Variants in UGT2B10 observed in about 807,000 individuals in gnomAD.
UGT2B10 encodes UDP-glucuronosyltransferase 2B10.
Under a neutral mutation model 43.7 loss-of-function variants are expected in UGT2B10, and 51 were observed. The ratio of observed to expected loss-of-function variants is 1.17; its 90% CI spans 0.93 to 1.47. The LOEUF is 1.47. UGT2B10 is among the 40% of genes most tolerant of loss of function. The pLI, the probability that UGT2B10 is intolerant of heterozygous loss-of-function variation, is 0.00. For missense variants in UGT2B10, 696 were observed against 617.7 expected (o/e 1.13, Z -1.34); for synonymous variants, 225 against 209.0 (o/e 1.08, Z -0.66).
intron 3 of UGT2B10, among the ~76,000 whole-genome samples, chr4:68,823,233 C>T (rs1486123573): frequency 6.6e-6 from 1 of 152,066 alleles, no homozygotes; most frequent in Non-Finnish European, 1.5e-5. Context: ...ATAGGATGGG[C>T]ATGGTGGTTC....
intron 1 of UGT2B10, among the ~76,000 whole-genome samples, chr4:68,817,181 T>C (rs1737256024): frequency 6.6e-6 from 1 of 151,792 alleles, no homozygotes; most frequent in South Asian, 2.1e-4. Flanking sequence ...AATTAAAAGA[T>C]GTTCCCATGT....
Position 68,831,804 on chromosome 4 carries a change from C to T in UGT2B10, c.*925C>T, listed in dbSNP as rs917461592. On this transcript the variant is annotated 3_prime_UTR_variant, in exon 6 of 6. Coordinates refer to ENST00000265403, the MANE Select transcript of UGT2B10 (RefSeq NM_001075.6). The stretch of plus-strand genomic sequence containing the variant: ...ATCTCAATTTTTATTTCATTCTGTC[C>T]TAACTCTTGCAACCTGCATGTCCTC... Among the ~76,000 whole-genome samples, 1 of 152,048 alleles carries T rather than the reference C, an allele frequency of 6.6e-6. No homozygotes were observed. The highest frequency in any genetic ancestry group is 2.4e-5 in the African/African-American group (1 of 41,430).
rs185649037 is a variant in UGT2B10 at position 68,831,652 on chromosome 4, T to G, written c.*773T>G. On this transcript the variant is annotated 3_prime_UTR_variant, in exon 6 of 6. Coordinates refer to ENST00000265403, the MANE Select transcript of UGT2B10 (RefSeq NM_001075.6). ...CCAGTAAACTGATTAAAATCTAAAA[T>G]TGCTTTCTGTTAAAGCTTTACTGAT... Among the ~76,000 whole-genome samples the G allele has an allele frequency of 3.9e-5, 6 of 152,262 alleles. No homozygotes were observed. In the East Asian group the frequency reaches 1.2e-3, roughly 29 times the overall value.
Position 68,821,884 on chromosome 4 carries a change from A to G in UGT2B10, c.868-387A>G, listed in dbSNP as rs924051124. On this transcript the variant is annotated intron_variant, in intron 2 of 5. Coordinates refer to ENST00000265403, the MANE Select transcript of UGT2B10 (RefSeq NM_001075.6). ...TAAACACAAGTGATTTAGTAGAACA[A>G]AAATATAGATTAAACCCTAGTGGTG... Among the ~76,000 whole-genome samples, 8 of 29,250 alleles carry G rather than the reference A, an allele frequency of 2.7e-4. No homozygotes were observed. The Non-Finnish European group carries it at 9.3e-3, about 34-fold the overall frequency. The allele number at this position is 29,250 out of a possible 152,430, so 19.2% of individuals were successfully genotyped here. A position where few individuals can be genotyped will look rare whatever the true frequency, so the allele number is the denominator to read the frequency against.
chr4:68,817,201 G>T (rs1229472920), intron 1 of UGT2B10, among the ~76,000 whole-genome samples: 3 of 151,700 alleles, frequency 2.0e-5, no homozygotes, highest in Non-Finnish European at 4.4e-5. Context: ...TTACCAGGAG[G>T]TTGTCTTCAC....
chr4:68,817,974 T>A, intron 1 of UGT2B10, 55 bp from the exon 2 acceptor site: 1 of 1,563,970 alleles, frequency 6.4e-7, no homozygotes, highest in African/African-American at 1.4e-5. Flanking sequence ...TTCAGAAAAT[T>A]ACATAAAGTA....
At position 68,816,106 on chromosome 4, in the gene UGT2B10, C is replaced by T. The variant is rs369208707; in HGVS notation, c.87C>T (p.Ala29=). 1.1e-5 allele frequency: 17 copies of T among 1,613,116 alleles called. No individual in the cohort carries two copies. The highest frequency in any genetic ancestry group is 2.2e-5 in the East Asian group (1 of 44,830). The stretch of plus-strand genomic sequence containing the variant: ...GTTGTGGAAAGGTGCTGGTATGGGC[C>T]GCAGAATACAGCCTTTGGATGAATA... ...SGSCGKVLVW[A]AEYSLWMNMK... The change falls in exon 1 of 6, where the codon GCC becomes GCT. Residue 29 remains alanine (A), a synonymous_variant. Transcript: ENST00000265403.
At chr4:68,828,908 T>A (rs192439126) in intron 5 of UGT2B10, among the ~76,000 whole-genome samples, 1 of 151,596 alleles carries the variant, frequency 6.6e-6, no homozygotes, top group African/African-American at 2.4e-5. Context: ...ATACTATTAC[T>A]AAAATATCTT....
chr4:68,831,953 A>T lies in UGT2B10; in HGVS notation c.*1074A>T, dbSNP rs556430704. Reference sequence around the variant, plus strand: ...TTGCTAGTCACTCTGAGCCATGGTCATGATGACTTAGGATTCTGGATCTCT... The same window carrying T: ...TTGCTAGTCACTCTGAGCCATGGTCTTGATGACTTAGGATTCTGGATCTCT... On this transcript the variant is annotated 3_prime_UTR_variant, in exon 6 of 6. Coordinates refer to ENST00000265403, the MANE Select transcript of UGT2B10 (RefSeq NM_001075.6). Among the ~76,000 whole-genome samples, 2 of 152,082 alleles carry T rather than the reference A, an allele frequency of 1.3e-5. No individual in the cohort carries two copies. Among genetic ancestry groups the T allele is most frequent in the Non-Finnish European group, 2.9e-5 (2 of 67,996 alleles).
rs376957039 is a variant in UGT2B10 at position 68,816,100 on chromosome 4, A to G, written c.81A>G (p.Val27=). 11 of 1,613,240 alleles carry G rather than the reference A, an allele frequency of 6.8e-6. No individual in the cohort carries two copies. The highest frequency in any genetic ancestry group is 6.6e-5 in the South Asian group (6 of 91,058). Residue 27 remains valine (V), a synonymous_variant, in exon 1 of 6, where the codon GTA becomes GTG. Transcript: ENST00000265403. ...FSSGSCGKVL[V]WAAEYSLWMN... is the part of the protein sequence containing the mutation. ...CTGGGAGTTGTGGAAAGGTGCTGGTATGGGCCGCAGAATACAGCCTTTGGA... is the reference window on the plus strand; with the variant it reads ...CTGGGAGTTGTGGAAAGGTGCTGGTGTGGGCCGCAGAATACAGCCTTTGGA...
At chr4:68,825,028 C>G (rs1235319995) in intron 3 of UGT2B10, among the ~76,000 whole-genome samples, 1 of 152,018 alleles carries the variant, frequency 6.6e-6, no homozygotes, top group African/African-American at 2.4e-5. Flanking sequence ...AAAACCCTTG[C>G]AGCATTTATT....
chr4:68,816,295 G>T lies in UGT2B10; in HGVS notation c.276G>T (p.Leu92Phe), dbSNP rs1362809119. The T allele has an allele frequency of 1.5e-5, 25 of 1,613,022 alleles. No homozygotes were observed. The highest frequency in any genetic ancestry group is 5.0e-5 in the Admixed American group (3 of 59,858). ...AATTTGAGAATATCATCATGCAATT[G>T]GTTAAGAGATTGTCAGAAATTCAAA... ...KTEFENIIMQLVKRLSEIQKD... is the reference protein window; with the variant it reads ...KTEFENIIMQFVKRLSEIQKD... Residue 92 changes from leucine to phenylalanine, a missense_variant, in exon 1 of 6, where the codon TTG (leucine) becomes TTT (phenylalanine). Physicochemically the swap from Leu to Phe is conservative, Grantham distance 22. Coordinates refer to ENST00000265403, the MANE Select transcript of UGT2B10 (RefSeq NM_001075.6).
rs782686830 is a variant in UGT2B10, at chr4:68,822,386, C to A, written c.983C>A (p.Ala328Asp). The A allele has an allele frequency of 1.9e-6, 3 of 1,613,512 alleles. No homozygotes were observed. Among genetic ancestry groups the A allele is most frequent in the African/African-American group, 1.3e-5 (1 of 74,952 alleles). ...ERANVIATAL[A>D]KIPQKVLWRF... ...GCCAACGTAATTGCAACAGCCCTTGCCAAGATCCCACAAAAGGTAAGATAA... is the reference window on the plus strand; with the variant it reads ...GCCAACGTAATTGCAACAGCCCTTGACAAGATCCCACAAAAGGTAAGATAA... Residue 328 changes from alanine to aspartate, a missense_variant, in exon 3 of 6, where the codon GCC (alanine) becomes GAC (aspartate). Coordinates refer to ENST00000265403, the MANE Select transcript of UGT2B10 (RefSeq NM_001075.6).
At chr4:68,825,130 T>C (rs1737705469) in intron 3 of UGT2B10, among the ~76,000 whole-genome samples, 1 of 152,030 alleles carries the variant, frequency 6.6e-6, no homozygotes, top group African/African-American at 2.4e-5. Context: ...CAAGTAGATA[T>C]ATTGAAACTA....
At chr4:68,819,319 T>A (rs1327016630) in intron 2 of UGT2B10, among the ~76,000 whole-genome samples, 1 of 151,930 alleles carries the variant, frequency 6.6e-6, no homozygotes, top group African/African-American at 2.4e-5. Context: ...CAAGGTTATA[T>A]TGTCTTGGAA....
intron 3 of UGT2B10, among the ~76,000 whole-genome samples, chr4:68,824,634 A>G (rs1737677810): frequency 6.6e-6 from 1 of 152,210 alleles, no homozygotes; most frequent in African/African-American, 2.4e-5. Context: ...AACCTGAGTT[A>G]CTTTAACAGT....
In UGT2B10 at chr4:68,830,694, C is replaced by T. The variant is rs371487094; in HGVS notation, c.1402C>T (p.Arg468Cys). The T allele has an allele frequency of 1.6e-4, 258 of 1,613,206 alleles. No individual in the cohort carries two copies. The highest frequency in any genetic ancestry group is 3.3e-4 in the Middle Eastern group (2 of 6,072). The change falls in exon 6 of 6, where the codon CGC becomes TGC. Residue 468 changes from arginine to cysteine, a missense_variant. Transcript: ENST00000265403. ...AGTCTTCTGGATTGAATTTGTCATG[C>T]GCCACAAAGGAGCCAAACATCTTCG... ...RAVFWIEFVMRHKGAKHLRVA... is the reference protein window; with the variant it reads ...RAVFWIEFVMCHKGAKHLRVA...
intron 2 of UGT2B10, among the ~76,000 whole-genome samples, chr4:68,821,492 G>C (rs1737493091): frequency 6.6e-6 from 1 of 152,072 alleles, no homozygotes; most frequent in South Asian, 2.1e-4. Flanking sequence ...TGATTTCAGG[G>C]CAATACGTGC....
chr4:68,818,224 T>C lies in UGT2B10; in HGVS notation c.867+47T>C, dbSNP rs1737320154. The C allele has an allele frequency of 2.5e-6, 4 of 1,602,008 alleles. No homozygotes were observed. The East Asian group carries it at 6.7e-5, about 27-fold the overall frequency. On this transcript the variant is annotated intron_variant, in intron 2 of 5. Coordinates refer to ENST00000265403, the MANE Select transcript of UGT2B10 (RefSeq NM_001075.6). ...TTATTTTGTTGGCTTCAAATTTCAG[T>C]AGAAATGACTGTATAGTCTTCATTC...
Sources: gnomAD v4.1 joint callset for allele counts (sites outside exome capture counted in the v4.1 genomes callset) on GRCh38, gnomAD v4.1.1 for gene constraint, MANE v1.5 for transcripts, NCBI Gene and HGNC (gene_info 2026-07-23, HGNC 2026-07-21) for gene names.